Variants in AUTS2 observed in about 807,000 individuals in gnomAD.
AUTS2 encodes the protein activator of transcription and developmental regulator AUTS2, also known as autism susceptibility gene 2 protein.
Under a neutral mutation model 112.4 loss-of-function variants are expected in AUTS2, and 17 were observed. The ratio of observed to expected loss-of-function variants is 0.15; its 90% CI spans 0.10 to 0.23. The LOEUF (loss-of-function observed/expected upper bound fraction) is 0.23, where lower values mean the gene tolerates loss of function less well. Ranked by LOEUF, AUTS2 falls within the 10% of genes least tolerant of loss-of-function variation. The pLI is 1.00. For synonymous variants in AUTS2, 751 were observed against 702.7 expected (o/e 1.07, Z -1.09); for missense variants, 1,510 against 1,701.6 (o/e 0.89, Z 1.98).
chr7:70,775,149 G>A, intron 12 of AUTS2: 1 of 588,346 alleles, frequency 1.7e-6, no homozygotes, highest in African/African-American at 1.9e-5. Flanking sequence ...TGTCAGCGTA[G>A]ATGTACCAAG....
At position 70,159,180 on chromosome 7, in the gene AUTS2, T is replaced by G. The variant is rs181231852; in HGVS notation, c.660+24609T>G. ...AAGGCTCTTTCAAGGGCATATGGCA[T>G]TAGATGATTATGATATGGCGCATTT... On this transcript the variant is annotated intron_variant, in intron 4 of 18. Coordinates refer to ENST00000342771, the MANE Select transcript of AUTS2 (RefSeq NM_015570.4). Among the ~76,000 whole-genome samples, 461 of 152,310 alleles carry G rather than the reference T, an allele frequency of 3.0e-3. 4 individuals are homozygous for G. Among genetic ancestry groups the G allele is most frequent in the African/African-American group, 0.01 (436 of 41,570 alleles).
chr7:69,935,423 G>A (rs906906218), intron 2 of AUTS2, among the ~76,000 whole-genome samples: 1 of 152,126 alleles, frequency 6.6e-6, no homozygotes, highest in African/African-American at 2.4e-5. Context: ...ATTTTTTTAG[G>A]AAGCATTATT....
chr7:69,773,413 C>G (rs210599), intron 1 of AUTS2, among the ~76,000 whole-genome samples: 58,523 of 146,986 alleles, frequency 0.4, 11,874 homozygotes, highest in African/African-American at 0.5. Flanking sequence ...GTCTCATACA[C>G]GGTGCTACAA....
intron 1 of AUTS2, among the ~76,000 whole-genome samples, chr7:69,612,746 T>G (rs531914757): frequency 1.3e-5 from 2 of 152,204 alleles, no homozygotes; most frequent in African/African-American, 2.4e-5. Context: ...CATGAGCCAC[T>G]GCGCAGCATT....
At chr7:70,503,794 C>T (rs1290409585) in intron 5 of AUTS2, among the ~76,000 whole-genome samples, 1 of 149,262 alleles carries the variant, frequency 6.7e-6, no homozygotes, top group Non-Finnish European at 1.5e-5. Flanking sequence ...GCTGAGATTA[C>T]AGGCGTGAGC....
intron 5 of AUTS2, among the ~76,000 whole-genome samples, chr7:70,684,308 A>G (rs1398616347): frequency 6.6e-6 from 1 of 152,198 alleles, no homozygotes. Context: ...TCAGGATGTC[A>G]GTAATCTTTC....
chr7:70,612,066 T>C (rs1475431993), intron 5 of AUTS2, among the ~76,000 whole-genome samples: 2 of 152,226 alleles, frequency 1.3e-5, no homozygotes, highest in African/African-American at 4.8e-5. Context: ...ATACTCGAAG[T>C]AGCAGAAAAC....
chr7:69,662,669 G>C (rs112882463), intron 1 of AUTS2, among the ~76,000 whole-genome samples: 1,530 of 152,236 alleles, frequency 0.01, 17 homozygotes, highest in Admixed American at 0.021. Flanking sequence ...TCAGTGGTGA[G>C]GGCACATTTA....
intron 6 of AUTS2, among the ~76,000 whole-genome samples, chr7:70,749,037 C>T (rs908395607): frequency 6.6e-6 from 1 of 152,106 alleles, no homozygotes; most frequent in Admixed American, 6.5e-5. Context: ...GGGAACAGTG[C>T]CTCAAACAGG....
At position 69,745,790 on chromosome 7, in the gene AUTS2, T is replaced by C. The variant is rs556017544; in HGVS notation, c.309+145828T>C. ...GCATTTCTTCTGAAGAAACGGGATT[T>C]TGAGTATTCTGTGTGGGTTTAGTAG... is the stretch of plus-strand genomic sequence containing the variant. On this transcript the variant is annotated intron_variant, in intron 1 of 18. Coordinates refer to ENST00000342771, the MANE Select transcript of AUTS2 (RefSeq NM_015570.4). Among the ~76,000 whole-genome samples the C allele has an allele frequency of 1.1e-4, 16 of 152,286 alleles. 1 individual carries two copies. The South Asian group carries it at 3.1e-3, about 30-fold the overall frequency.
At chr7:70,624,595 A>G (rs1453813684) in intron 5 of AUTS2, among the ~76,000 whole-genome samples, 1 of 152,086 alleles carries the variant, frequency 6.6e-6, no homozygotes, top group East Asian at 1.9e-4. Context: ...GGCATAAATG[A>G]CAGGAGGGCC....
chr7:70,697,550 A>C (rs1585526997), intron 5 of AUTS2, among the ~76,000 whole-genome samples: 1 of 130,916 alleles, frequency 7.6e-6, no homozygotes, highest in Admixed American at 8.5e-5. Context: ...AATATGCTGC[A>C]CTTCAGAATT....
At chr7:70,564,827 C>T (rs1316637214) in intron 5 of AUTS2, among the ~76,000 whole-genome samples, 3 of 152,110 alleles carry the variant, frequency 2.0e-5, no homozygotes, top group Admixed American at 1.3e-4. Context: ...AGGCCAGGCA[C>T]GGTAGCTCAC....
intron 4 of AUTS2, among the ~76,000 whole-genome samples, chr7:70,347,409 G>A (rs888314618): frequency 1.3e-5 from 2 of 152,210 alleles, no homozygotes; most frequent in Non-Finnish European, 2.9e-5. Context: ...ATCTTTGTGA[G>A]TACAGTGCCA....
intron 4 of AUTS2, among the ~76,000 whole-genome samples, chr7:70,386,136 G>A (rs1585085953): frequency 2.6e-5 from 4 of 152,280 alleles, no homozygotes; most frequent in Admixed American, 2.6e-4. Context: ...ATACTGAGAA[G>A]CCCAGTAGTT....
At chr7:70,501,807 C>T (rs1293931445) in intron 5 of AUTS2, among the ~76,000 whole-genome samples, 1 of 152,138 alleles carries the variant, frequency 6.6e-6, no homozygotes, top group Non-Finnish European at 1.5e-5. Context: ...CTACGTGATG[C>T]TCTTTTCATT....
intron 2 of AUTS2, among the ~76,000 whole-genome samples, chr7:70,031,022 T>C (rs1412841352): frequency 6.6e-6 from 1 of 152,044 alleles, no homozygotes; most frequent in African/African-American, 2.4e-5. Flanking sequence ...CTTTTACTTG[T>C]TGAAAGATTT....
chr7:69,719,334 C>A (rs1238571922), intron 1 of AUTS2, among the ~76,000 whole-genome samples: 1 of 152,122 alleles, frequency 6.6e-6, no homozygotes, highest in African/African-American at 2.4e-5. Flanking sequence ...ATAAAACTGT[C>A]TTGAGACTTC....
chr7:70,500,316 G>T (rs999900206), intron 5 of AUTS2, among the ~76,000 whole-genome samples: 2 of 152,120 alleles, frequency 1.3e-5, no homozygotes, highest in African/African-American at 4.8e-5. Flanking sequence ...GCAACAAGTT[G>T]CTCTGAAATG....
Sources: gnomAD v4.1 joint callset for allele counts (sites outside exome capture counted in the v4.1 genomes callset) on GRCh38, gnomAD v4.1.1 for gene constraint, MANE v1.5 for transcripts, NCBI Gene and HGNC (gene_info 2026-07-23, HGNC 2026-07-21) for gene names.